Variants in ANKAR observed in about 807,000 individuals in gnomAD.
ANKAR encodes ankyrin and armadillo repeat containing.
ANKAR carries 136 observed loss-of-function variants against 146.2 expected under a neutral mutation model. The observed-to-expected ratio is 0.93, with a 90% confidence interval of 0.81 to 1.07. ANKAR has a LOEUF of 1.07. ANKAR is among the 50% of genes least tolerant of loss of function. The probability of loss-of-function intolerance (pLI) is 0.00; values close to 1 mark genes in which losing one functional copy is unlikely to be tolerated. For synonymous variants in ANKAR, 500 were observed against 575.8 expected, an observed-to-expected ratio of 0.87 and a Z score of 1.88; for missense variants, 1,567 against 1,679.9, an observed-to-expected ratio of 0.93 and a Z score of 1.18.
chr2:189,688,416 T>A (rs1239466893), intron 2 of ANKAR, among the ~76,000 whole-genome samples: 1 of 152,234 alleles, frequency 6.6e-6, no homozygotes, highest in Non-Finnish European at 1.5e-5. Context: ...TTGTTCTTTT[T>A]GCTCAGGATG....
chr2:189,719,498 T>G, intron 10 of ANKAR, 74 bp from the exon 11 acceptor site: 2 of 1,241,386 alleles, frequency 1.6e-6, no homozygotes, highest in Non-Finnish European at 2.2e-6. Flanking sequence ...TATTTAAATA[T>G]TGCCATGATA....
At chr2:189,708,453 G>A (rs1156599470) in intron 9 of ANKAR, among the ~76,000 whole-genome samples, 3 of 152,030 alleles carry the variant, frequency 2.0e-5, no homozygotes, top group Non-Finnish European at 2.9e-5. Context: ...ATACACATTC[G>A]GAAGAAACTG....
downstream of ANKAR, chr2:189,750,550 C>T: frequency 7.8e-7 from 1 of 1,287,704 alleles, no homozygotes. Context: ...TTAATACTAC[C>T]TTTAGGGACT....
At chr2:189,704,796 A>T (rs960491067) in intron 7 of ANKAR, among the ~76,000 whole-genome samples, 1 of 151,324 alleles carries the variant, frequency 6.6e-6, no homozygotes, top group African/African-American at 2.4e-5. Context: ...ATGGATTTTT[A>T]AAAATTTTTG....
Position 189,737,764 on chromosome 2 carries a change from G to A in ANKAR, c.3505G>A (p.Gly1169Arg), listed in dbSNP as rs1320717462. Residue 1169 changes from glycine (G) to arginine (R), a missense_variant, in exon 18 of 23, where the codon GGA becomes AGA. Transcript: ENST00000684021. ...RFQQYLILES[G>R]IMTISIFERF... is the part of the protein sequence containing the mutation. ...TCAACAATACTTAATATTGGAAAGT[G>A]GAATAATGACCATATCTATTTTTGA... is the stretch of plus-strand genomic sequence containing the variant. 6.3e-7 allele frequency: 1 copy of A among 1,596,632 alleles called. No homozygotes were observed.
chr2:189,688,152 A>G (rs2035876584), intron 2 of ANKAR, among the ~76,000 whole-genome samples: 1 of 152,184 alleles, frequency 6.6e-6, no homozygotes, highest in South Asian at 2.1e-4. Context: ...GGTGAGAGAT[A>G]GGGGTCTAGT....
At chr2:189,712,871 C>G (rs1426007420) in intron 10 of ANKAR, among the ~76,000 whole-genome samples, 1 of 152,104 alleles carries the variant, frequency 6.6e-6, no homozygotes, top group Admixed American at 6.6e-5. Context: ...AGCTAAAACC[C>G]TTGAAAAAAG....
At chr2:189,762,756 T>G (rs774809413), downstream of ANKAR, 20 of 985,392 alleles carry the variant, frequency 2.0e-5, no homozygotes, top group Non-Finnish European at 2.3e-5. Context: ...CCCTTATCGC[T>G]GCAGGAGAAA....
At position 189,715,982 on chromosome 2, in the gene ANKAR, G is replaced by A. The variant is rs536959528; in HGVS notation, c.2225-3590G>A. On this transcript the variant is annotated intron_variant, in intron 10 of 22. Transcript: ENST00000684021. ...TTATGACAAAGCCACAGCCAATATC[G>A]TACTGAATGGGCAAAAATTGGAAGC... 3.3e-5 allele frequency among the ~76,000 whole-genome samples: 5 copies of A among 152,050 alleles called. No homozygotes were observed. The East Asian group carries it at 7.7e-4, about 23-fold the overall frequency.
At chr2:189,705,327 T>C (rs2038779070) in intron 8 of ANKAR, 103 bp downstream of exon 8, 3 of 1,218,306 alleles carry the variant, frequency 2.5e-6, no homozygotes, top group Non-Finnish European at 3.4e-6. Context: ...CTGCTTTTCA[T>C]GGCTTGCCAC....
intron 2 of ANKAR, among the ~76,000 whole-genome samples, chr2:189,681,724 G>T (rs2034720836): frequency 6.6e-6 from 1 of 152,200 alleles, no homozygotes; most frequent in African/African-American, 2.4e-5. Context: ...AGCTTTTCAG[G>T]TGATCCCTGG....
chr2:189,714,946 A>AT (rs2040219355), intron 10 of ANKAR, among the ~76,000 whole-genome samples: 3 of 97,232 alleles, frequency 3.1e-5, no homozygotes, highest in African/African-American at 1.2e-4. Flanking sequence ...ACTCCATCTC[A>AT]CAAAAAAAAA....
At chr2:189,743,857 C>T (rs1487389038) in intron 21 of ANKAR, among the ~76,000 whole-genome samples, 1 of 152,132 alleles carries the variant, frequency 6.6e-6, no homozygotes, top group Non-Finnish European at 1.5e-5. Context: ...TTTTCCGGAC[C>T]AGATCCAAAG....
intron 2 of ANKAR, among the ~76,000 whole-genome samples, chr2:189,682,527 C>A (rs1246682233): frequency 6.6e-6 from 1 of 152,118 alleles, no homozygotes; most frequent in Non-Finnish European, 1.5e-5. Context: ...ATGCACCACA[C>A]CTGGAGCACC....
At chr2:189,755,542 A>G (rs2045949117) in intron 18 of ANKAR, 6 of 1,598,838 alleles carry the variant, frequency 3.8e-6, no homozygotes, top group Non-Finnish European at 5.1e-6. Context: ...GAGCTGCTGG[A>G]GGAACAATCC....
In ANKAR at chr2:189,692,403, C is replaced by T. The variant is rs765841132; in HGVS notation, c.1188C>T (p.Ala396=). The change falls in exon 4 of 23, where the codon GCC becomes GCT. Residue 396 remains alanine, a synonymous_variant. Transcript: ENST00000684021. ...TCAGCACCCCTTCAATTGAGAATGCCTTGGAAGATTTTCAGGTTTAAATGA... is the reference window on the plus strand; with the variant it reads ...TCAGCACCCCTTCAATTGAGAATGCTTTGGAAGATTTTCAGGTTTAAATGA... ...FDISTPSIEN[A]LEDFQKNLEK... 1 of 1,607,836 alleles carries T rather than the reference C, an allele frequency of 6.2e-7. No homozygotes were observed. The highest frequency in any genetic ancestry group is 2.2e-5 in the East Asian group (1 of 44,538).
intron 10 of ANKAR, among the ~76,000 whole-genome samples, chr2:189,719,289 T>A (rs1035592129): frequency 2.0e-5 from 3 of 152,300 alleles, no homozygotes; most frequent in South Asian, 4.1e-4. Flanking sequence ...GAAGCCAGAA[T>A]TCAGTGTTTC....
At chr2:189,760,668 G>T (rs1017195941) in intron 18 of ANKAR, among the ~76,000 whole-genome samples, 4 of 150,264 alleles carry the variant, frequency 2.7e-5, no homozygotes, top group African/African-American at 9.9e-5. Flanking sequence ...GCACGTGCCT[G>T]TAATCCCAGC....
chr2:189,746,531 A>G lies in ANKAR; in HGVS notation c.4209A>G (p.Thr1403=). ...HNIFSFSSTI[T]SDITNVSRPR... Reference sequence around the variant, plus strand: ...TTTTTTCTTTTTCATCTACAATTACATCAGATATCACAAATGTATCAAGAC... The same window carrying G: ...TTTTTTCTTTTTCATCTACAATTACGTCAGATATCACAAATGTATCAAGAC... The change falls in exon 23 of 23, where the codon ACA becomes ACG. Residue 1403 remains threonine, a synonymous_variant. Transcript: ENST00000684021. The G allele has an allele frequency of 1.9e-6, 3 of 1,613,934 alleles. No individual in the cohort carries two copies. The highest frequency in any genetic ancestry group is 2.5e-6 in the Non-Finnish European group (3 of 1,179,894).
Sources: gnomAD v4.1 joint callset for allele counts (sites outside exome capture counted in the v4.1 genomes callset) on GRCh38, gnomAD v4.1.1 for gene constraint, MANE v1.5 for transcripts, NCBI Gene and HGNC (gene_info 2026-07-23, HGNC 2026-07-21) for gene names.